LRRFIP1: variants seen among roughly 807,000 people sequenced by gnomAD.
The protein encoded by LRRFIP1 is LRR binding FLII interacting protein 1.
LRRFIP1 carries 62 observed loss-of-function variants against 104.4 expected under a neutral mutation model. That is an observed-to-expected ratio of 0.59 (90% confidence interval 0.48 to 0.73). The LOEUF (loss-of-function observed/expected upper bound fraction) is 0.73. LRRFIP1 is among the 30% of genes least tolerant of loss of function. The pLI is 0.00. For synonymous variants in LRRFIP1, 300 were observed against 299.0 expected (o/e 1.00, Z -0.03); for missense variants, 796 against 824.5 (o/e 0.97, Z 0.42).
intron 1 of LRRFIP1, among the ~76,000 whole-genome samples, chr2:237,701,177 G>C (rs2093501044): frequency 6.6e-6 from 1 of 152,212 alleles, no homozygotes; most frequent in East Asian, 1.9e-4. Context: ...AGCACCTGCT[G>C]TCCCTTTGCC....
At chr2:237,776,998 C>A (rs992934665) in intron 23 of LRRFIP1, among the ~76,000 whole-genome samples, 5 of 151,926 alleles carry the variant, frequency 3.3e-5, no homozygotes, top group African/African-American at 9.7e-5. Context: ...AATTTCTATT[C>A]TTTTCAGTGA....
chr2:237,631,619 C>A (rs4663773), intron 1 of LRRFIP1, among the ~76,000 whole-genome samples: 59,483 of 151,992 alleles, frequency 0.39, 12,317 homozygotes, highest in South Asian at 0.45. Flanking sequence ...GGGGTGTTTC[C>A]AACGCAGATA....
In LRRFIP1 at chr2:237,655,102, CTTTTTTTTTT is replaced by C. The variant is rs1170742860; in HGVS notation, c.96+27379_96+27388del. ...AGACGAATACCACGTGATCTCACTT[CTTTTTTTTTT>C]TTTTTTTTTTTTTTTTGAGACGGAG... On this transcript the variant is annotated intron_variant, in intron 1 of 23. Transcript: ENST00000308482. Among the ~76,000 whole-genome samples the C allele has an allele frequency of 3.4e-4, 20 of 58,272 alleles. 3 individuals carry two copies. In the East Asian group the frequency reaches 7.0e-3, roughly 20 times the overall value. 38.2% of individuals were successfully genotyped at this position (58,272 alleles called of 152,430 possible). A position where few individuals can be genotyped will look rare whatever the true frequency, so the allele number is the denominator to read the frequency against.
rs368191625 is a variant in LRRFIP1 at position 237,661,428 on chromosome 2, G to GT, written c.96+33690dup. 1.5e-3 allele frequency among the ~76,000 whole-genome samples: 231 copies of GT among 152,236 alleles called. 1 individual carries two copies. Among genetic ancestry groups the GT allele is most frequent in the African/African-American group, 3.9e-3 (162 of 41,558 alleles). Reference sequence around the variant, plus strand: ...TGCTCCCAGACAGTGGAAACTTTTTGTTCCCCAAAGCCCTCCAGCTGGCCG... The same window carrying GT: ...TGCTCCCAGACAGTGGAAACTTTTTGTTTCCCCAAAGCCCTCCAGCTGGCCG... On this transcript the variant is annotated intron_variant, in intron 1 of 23. Coordinates refer to ENST00000308482, the MANE Select transcript of LRRFIP1 (RefSeq NM_001137550.2). The surrounding 1 kb of genome is among the most constrained non-coding windows in gnomAD (Gnocchi z 4.4).
chr2:237,723,732 G>T (rs915750253), intron 7 of LRRFIP1, 146 bp downstream of exon 7: 1 of 955,322 alleles, frequency 1.0e-6, no homozygotes, highest in Non-Finnish European at 1.7e-6. Flanking sequence ...GGCTTACCCT[G>T]CAGAGTGAGC....
At position 237,738,457 on chromosome 2, in the gene LRRFIP1, G is replaced by A. The variant is rs1469623634; in HGVS notation, c.556-775G>A. Among the ~76,000 whole-genome samples, 4 of 152,258 alleles carry A rather than the reference G, an allele frequency of 2.6e-5. No homozygotes were observed. The South Asian group carries it at 6.2e-4, about 24-fold the overall frequency. On this transcript the variant is annotated intron_variant, in intron 10 of 23. Transcript: ENST00000308482. ...GAGGCTTGCTATATGGTGCTGCGTG[G>A]GTCTCTCTTGAAGATGCTCCTCAGG...
chr2:237,680,751 G>C (rs923306302), intron 1 of LRRFIP1, among the ~76,000 whole-genome samples: 1 of 152,238 alleles, frequency 6.6e-6, no homozygotes, highest in South Asian at 2.1e-4. Context: ...GGAGATTGAG[G>C]TGGGCCCATC....
At chr2:237,640,941 C>G (rs2083869124) in intron 1 of LRRFIP1, among the ~76,000 whole-genome samples, 1 of 152,168 alleles carries the variant, frequency 6.6e-6, no homozygotes. Context: ...CAGGAAGGGA[C>G]CATTAACCAT....
chr2:237,756,161 C>A lies in LRRFIP1; in HGVS notation c.1105C>A (p.Leu369Met), dbSNP rs149852141. The change falls in exon 16 of 24, where the codon CTG becomes ATG. Residue 369 changes from leucine (L) to methionine (M), a missense_variant. Transcript: ENST00000308482. ...TCAGTTTGCTGAAGTCAAGGAGGCC[C>A]TGAAGCAAAGAGAGGAAATGCTCGA... Reference protein sequence around the residue: ...QFQFAEVKEALKQREEMLEEI... With the variant: ...QFQFAEVKEAMKQREEMLEEI... The A allele has an allele frequency of 1.9e-6, 3 of 1,613,812 alleles. No homozygotes were observed. The highest frequency in any genetic ancestry group is 1.3e-5 in the African/African-American group (1 of 74,920).
intron 8 of LRRFIP1, chr2:237,729,792 A>T (rs1304829166): frequency 1.0e-6 from 1 of 985,300 alleles, no homozygotes; most frequent in Non-Finnish European, 1.2e-6. Context: ...TTCCAGCTAC[A>T]GCGGTGACAG....
intron 1 of LRRFIP1, among the ~76,000 whole-genome samples, chr2:237,657,638 G>C (rs77070298): frequency 6.6e-6 from 1 of 152,118 alleles, no homozygotes; most frequent in Non-Finnish European, 1.5e-5. Context: ...AATTGTTCAC[G>C]CTTCAAACTG....
chr2:237,630,057 A>G (rs1442030906), intron 1 of LRRFIP1, among the ~76,000 whole-genome samples: 1 of 152,222 alleles, frequency 6.6e-6, no homozygotes, highest in South Asian at 2.1e-4. Context: ...GTAGCAATGT[A>G]AAGTATGTAA....
chr2:237,698,636 A>G (rs948314502), intron 1 of LRRFIP1, among the ~76,000 whole-genome samples: 7 of 152,052 alleles, frequency 4.6e-5, no homozygotes, highest in African/African-American at 1.4e-4. Context: ...ATTTCAGTCT[A>G]CTCCATAATT....
intron 1 of LRRFIP1, among the ~76,000 whole-genome samples, chr2:237,653,812 T>C (rs975340954): frequency 3.3e-5 from 5 of 152,178 alleles, no homozygotes; most frequent in African/African-American, 7.2e-5. Flanking sequence ...TGCAGAAGAA[T>C]GAAATTAGAC....
intron 19 of LRRFIP1, chr2:237,763,011 AGCAG>A: frequency 6.2e-7 from 1 of 1,614,218 alleles, no homozygotes; most frequent in Non-Finnish European, 8.5e-7. Flanking sequence ...CAGGTTGAAG[AGCAG>A]GCAGGCACAG....
At chr2:237,636,384 T>A (rs1488056350) in intron 1 of LRRFIP1, among the ~76,000 whole-genome samples, 1 of 149,414 alleles carries the variant, frequency 6.7e-6, no homozygotes, top group Non-Finnish European at 1.5e-5. Flanking sequence ...TTGGTAATAC[T>A]TCAAGGAAGA....
intron 1 of LRRFIP1, among the ~76,000 whole-genome samples, chr2:237,694,325 G>A (rs1378755433): frequency 1.3e-5 from 2 of 152,244 alleles, no homozygotes; most frequent in Non-Finnish European, 2.9e-5. Context: ...TTGTGAACCT[G>A]TAGGAGCTTT....
At chr2:237,763,454 T>C (rs2060064060) in intron 19 of LRRFIP1, 1 of 1,612,636 alleles carries the variant, frequency 6.2e-7, no homozygotes. Flanking sequence ...GAAGAAAAAA[T>C]CCCCAGTACC....
At chr2:237,667,844 C>T (rs746623972) in intron 1 of LRRFIP1, among the ~76,000 whole-genome samples, 2 of 152,192 alleles carry the variant, frequency 1.3e-5, no homozygotes, top group Admixed American at 6.5e-5. Context: ...GCTTCCCTAA[C>T]ACCATTCACT....
Sources: allele counts gnomAD v4.1 joint callset (sites outside exome capture counted in the v4.1 genomes callset), GRCh38; gene constraint gnomAD v4.1.1; non-coding constraint Gnocchi (gnomAD v3.1); transcripts MANE v1.5; gene names NCBI Gene and HGNC (gene_info 2026-07-23, HGNC 2026-07-21).